SAXO1: variants seen among roughly 807,000 people sequenced by gnomAD.
SAXO1 encodes 4930500O09Rik.
In SAXO1, 21 loss-of-function variants were observed where a neutral mutation model predicts 17.5. That is an observed-to-expected ratio of 1.20 (90% CI 0.85 to 1.72). SAXO1 has a LOEUF of 1.72. Ranked by LOEUF, SAXO1 falls within the 40% of genes most tolerant of loss-of-function variation. The probability of loss-of-function intolerance (pLI) is 0.00; values close to 1 mark genes in which losing one functional copy is unlikely to be tolerated. For missense variants in SAXO1, 843 were observed against 596.0 expected (o/e 1.41, Z -4.32); for synonymous variants, 274 against 216.5 (o/e 1.27, Z -2.33).
At chr9:18,997,029 C>T (rs753676494) in intron 1 of SAXO1, among the ~76,000 whole-genome samples, 8 of 152,122 alleles carry the variant, frequency 5.3e-5, no homozygotes, top group Non-Finnish European at 8.8e-5. Flanking sequence ...GCGAGACTGA[C>T]GCAGAAGATG....
At chr9:18,994,503 G>C (rs1245919765) in intron 1 of SAXO1, among the ~76,000 whole-genome samples, 1 of 152,142 alleles carries the variant, frequency 6.6e-6, no homozygotes. Context: ...CAGTCACGCT[G>C]CATCTCTCCA....
intron 1 of SAXO1, among the ~76,000 whole-genome samples, chr9:19,014,313 T>A (rs944747044): frequency 1.3e-5 from 2 of 151,554 alleles, no homozygotes; most frequent in South Asian, 4.2e-4. Flanking sequence ...ATACAAAAAC[T>A]TAGCTGGGCG....
chr9:18,931,416 G>T (rs528345025), intron 3 of SAXO1, among the ~76,000 whole-genome samples: 38 of 152,148 alleles, frequency 2.5e-4, no homozygotes, highest in Non-Finnish European at 5.1e-4. Context: ...CCAATTGATG[G>T]ACATTTTGAG....
intron 1 of SAXO1, among the ~76,000 whole-genome samples, chr9:19,014,477 A>T (rs1834885733): frequency 6.7e-6 from 1 of 149,610 alleles, no homozygotes; most frequent in African/African-American, 2.4e-5. Context: ...AAAAAAAAAA[A>T]GTTAATTAAT....
chr9:19,032,720 C>T (rs993691245), intron 1 of SAXO1, 151 bp downstream of exon 1: 64 of 790,144 alleles, frequency 8.1e-5, no homozygotes, highest in Middle Eastern at 2.4e-4. Flanking sequence ...GCGGGCACAA[C>T]GCTAGTTGAC....
intron 1 of SAXO1, among the ~76,000 whole-genome samples, chr9:18,956,737 C>T (rs1832272405): frequency 6.6e-6 from 1 of 152,202 alleles, no homozygotes; most frequent in Non-Finnish European, 1.5e-5. Flanking sequence ...AATTCAAATG[C>T]CTAGCCCTGT....
intron 1 of SAXO1, among the ~76,000 whole-genome samples, chr9:18,977,486 C>T (rs924165951): frequency 1.3e-5 from 2 of 152,142 alleles, no homozygotes; most frequent in Admixed American, 6.5e-5. Flanking sequence ...TTAAATCATC[C>T]AAGATCTTTC....
chr9:18,964,775 A>G (rs1832646911), intron 1 of SAXO1, among the ~76,000 whole-genome samples: 2 of 152,078 alleles, frequency 1.3e-5, no homozygotes, highest in Non-Finnish European at 2.9e-5. Context: ...TTCTGATCTT[A>G]GATATTTCTT....
chr9:19,045,152 T>C (rs1366243563), intron 1 of SAXO1, among the ~76,000 whole-genome samples: 2 of 147,632 alleles, frequency 1.4e-5, no homozygotes, highest in Non-Finnish European at 3.0e-5. Flanking sequence ...CTACTAAAAA[T>C]ACAAAAAATT....
intron 1 of SAXO1, among the ~76,000 whole-genome samples, chr9:19,020,119 G>A (rs535842081): frequency 4.2e-4 from 63 of 151,630 alleles, no homozygotes; most frequent in South Asian, 1.0e-3. Context: ...TCCATTGAGC[G>A]TAGCACTAAG....
intron 1 of SAXO1, among the ~76,000 whole-genome samples, 175 bp downstream of exon 1, chr9:19,032,696 C>G (rs1051567965): frequency 1.3e-5 from 2 of 152,256 alleles, no homozygotes; most frequent in East Asian, 1.9e-4. Flanking sequence ...TTCGCCAGAA[C>G]TGATGTGGCG....
At chr9:18,996,974 C>T (rs766629340) in intron 1 of SAXO1, among the ~76,000 whole-genome samples, 3 of 152,132 alleles carry the variant, frequency 2.0e-5, no homozygotes, top group Non-Finnish European at 4.4e-5. Context: ...TTAGGAGGCA[C>T]TTCCAAGATG....
intron 1 of SAXO1, among the ~76,000 whole-genome samples, chr9:18,997,837 G>A (rs1331853353): frequency 6.6e-6 from 1 of 152,238 alleles, no homozygotes; most frequent in Admixed American, 6.5e-5. Context: ...AAGTTCTGGA[G>A]TGGACTTCCA....
At chr9:18,973,478 A>T (rs73431220) in intron 1 of SAXO1, among the ~76,000 whole-genome samples, 4,828 of 152,326 alleles carry the variant, frequency 0.032, 246 homozygotes, top group African/African-American at 0.11. Context: ...GCCTTGTATT[A>T]TCTCTAGTGC....
chr9:19,041,742 T>G (rs1233218168), intron 1 of SAXO1, among the ~76,000 whole-genome samples: 7 of 152,214 alleles, frequency 4.6e-5, no homozygotes, highest in Non-Finnish European at 1.0e-4. Flanking sequence ...AATATCCATA[T>G]GCAGAAGAAG....
rs551300189 is a variant in SAXO1 at position 18,959,728 on chromosome 9, G to C, written c.39-8791C>G. ...GGAGGTTGCAATGAGCCAAGACTGC[G>C]ACATTGCACTCCAGCCTGGGCAACA... On this transcript the variant is annotated intron_variant, in intron 1 of 3. Transcript: ENST00000380534. Among the ~76,000 whole-genome samples the C allele has an allele frequency of 2.7e-5, 4 of 150,854 alleles. No homozygotes were observed. The South Asian group carries it at 6.3e-4, about 24-fold the overall frequency.
At chr9:19,000,197 C>T (rs1214074526) in intron 1 of SAXO1, among the ~76,000 whole-genome samples, 3 of 151,744 alleles carry the variant, frequency 2.0e-5, no homozygotes, top group South Asian at 4.2e-4. Context: ...GTGAGGAGCG[C>T]CTCCACCCGG....
intron 3 of SAXO1, among the ~76,000 whole-genome samples, chr9:18,938,499 G>C (rs1222574839): frequency 2.6e-5 from 4 of 152,044 alleles, no homozygotes; most frequent in Non-Finnish European, 4.4e-5. Context: ...GCAGATCTCA[G>C]GGGAACTCAC....
At chr9:19,022,665 A>C (rs916596794) in intron 1 of SAXO1, among the ~76,000 whole-genome samples, 1 of 152,182 alleles carries the variant, frequency 6.6e-6, no homozygotes, top group Non-Finnish European at 1.5e-5. Context: ...GCACTGGGAG[A>C]AACTTAACTG....
Sources: allele counts gnomAD v4.1 joint callset (sites outside exome capture counted in the v4.1 genomes callset), GRCh38; gene constraint gnomAD v4.1.1; transcripts MANE v1.5; gene names NCBI Gene and HGNC (gene_info 2026-07-23, HGNC 2026-07-21).